The following ULBP1 variants were observed in gnomAD, a reference collection of about 807,000 sequenced individuals.
ULBP1 encodes UL16-binding protein 1.
Under a neutral mutation model 25.3 loss-of-function variants are expected in ULBP1, and 28 were observed. The ratio of observed to expected loss-of-function variants is 1.10; its 90% CI spans 0.82 to 1.51. The LOEUF is 1.51. Among genes scored for constraint, ULBP1 ranks in the 40% most tolerant of loss-of-function variants. ULBP1 has a pLI of 0.00. For synonymous variants in ULBP1, 129 were observed against 103.0 expected (o/e 1.25, Z -1.53); for missense variants, 348 against 290.9 (o/e 1.20, Z -1.43).
At chr6:149,965,318 C>T (rs1455123915) in intron 1 of ULBP1, among the ~76,000 whole-genome samples, 1 of 151,798 alleles carries the variant, frequency 6.6e-6, no homozygotes, top group Non-Finnish European at 1.5e-5. Context: ...ATCGCTGTCT[C>T]CCCGAACGTG....
In ULBP1 at chr6:149,969,072, T is replaced by G; in HGVS notation, c.350-13T>G. The G allele has an allele frequency of 6.2e-7, 1 of 1,613,222 alleles. No homozygotes were observed. ...TTGTCAAGATCAGAGCTGATCTCTT[T>G]GCAATGGGGCAGAGCCCCTCACCCT... On this transcript the variant is annotated splice_polypyrimidine_tract_variant and intron_variant, in intron 2 of 4. Coordinates refer to ENST00000229708, the MANE Select transcript of ULBP1 (RefSeq NM_025218.4).
chr6:149,969,882 C>A, intron 3 of ULBP1, 134 bp from the exon 4 acceptor site: 1 of 1,216,778 alleles, frequency 8.2e-7, no homozygotes, highest in South Asian at 1.5e-5. Flanking sequence ...AAGACTTGTC[C>A]CAGAGGTTGC....
At chr6:149,969,795 G>A (rs551549826) in intron 3 of ULBP1, among the ~76,000 whole-genome samples, 1 of 152,270 alleles carries the variant, frequency 6.6e-6, no homozygotes. Context: ...AGGGTGGACT[G>A]TGCTGTCACC....
chr6:149,972,983 C>T lies in ULBP1; in HGVS notation c.*1637C>T, dbSNP rs1002485036. ...CCGCAATCCCACTACTCGGGATATA[C>T]CCACAGGAAAAGAATTCATTTTATC... On this transcript the variant is annotated 3_prime_UTR_variant, in exon 5 of 5. Coordinates refer to ENST00000229708, the MANE Select transcript of ULBP1 (RefSeq NM_025218.4). 6.6e-6 allele frequency: 1 copy of T among 152,122 alleles called. No individual in the cohort carries two copies. The highest frequency in any genetic ancestry group is 1.5e-5 in the Non-Finnish European group (1 of 68,032). 9.4% of individuals were successfully genotyped at this position (152,122 alleles called of 1,614,324 possible).
intron 1 of ULBP1, among the ~76,000 whole-genome samples, chr6:149,966,900 A>G (rs948701922): frequency 9.9e-5 from 15 of 152,196 alleles, no homozygotes; most frequent in African/African-American, 3.6e-4. Flanking sequence ...AAATCCACAT[A>G]GCACCTTTTC....
Position 149,970,040 on chromosome 6 carries a change from C to T in ULBP1, c.650C>T (p.Thr217Ile). 2 of 1,613,266 alleles carry T rather than the reference C, an allele frequency of 1.2e-6. No individual in the cohort carries two copies. The highest frequency in any genetic ancestry group is 2.2e-5 in the South Asian group (2 of 90,756). Residue 217 changes from threonine (T) to isoleucine (I), a missense_variant, in exon 4 of 5, where the codon ACA becomes ATA. Thr to Ile is a moderately conservative substitution (Grantham distance 89). Transcript: ENST00000229708. ...PTKPPSLAPG[T>I]TQPKAMATTL... Reference sequence around the variant, plus strand: ...GAACCACCCTCTCTGGCCCCAGGCACAACCCAACCCAAGGCCATGGCCACC... The same window carrying T: ...GAACCACCCTCTCTGGCCCCAGGCATAACCCAACCCAAGGCCATGGCCACC...
Position 149,972,380 on chromosome 6 carries a change from A to G in ULBP1, c.*1034A>G, listed in dbSNP as rs1042004977. The G allele has an allele frequency of 1.3e-5, 2 of 152,210 alleles. No homozygotes were observed. Among genetic ancestry groups the G allele is most frequent in the East Asian group, 1.9e-4 (1 of 5,202 alleles). The allele number at this position is 152,210 out of a possible 1,614,324, so 9.4% of individuals were successfully genotyped here. On this transcript the variant is annotated 3_prime_UTR_variant, in exon 5 of 5. Transcript: ENST00000229708. ...TTCAATATGGATGAAAGATTTAAAT[A>G]TAAGTACTAAAACTGTAAAAATCCT... is the stretch of plus-strand genomic sequence containing the variant.
At chr6:149,969,919 T>C in intron 3 of ULBP1, 97 bp from the exon 4 acceptor site, 1 of 1,476,928 alleles carries the variant, frequency 6.8e-7, no homozygotes, top group South Asian at 1.3e-5. Flanking sequence ...ACAAAAGGTC[T>C]GCCTTCCAGG....
intron 2 of ULBP1, 69 bp from the exon 3 acceptor site, chr6:149,969,016 C>T: frequency 1.3e-6 from 2 of 1,576,266 alleles, no homozygotes; most frequent in Non-Finnish European, 1.7e-6. Flanking sequence ...AGTCCAGGAG[C>T]CAGGAAAGGA....
Position 149,970,089 on chromosome 6 carries a change from C to T in ULBP1, c.699C>T (p.Leu233=). The T allele has an allele frequency of 1.9e-6, 3 of 1,612,856 alleles. No homozygotes were observed. Among genetic ancestry groups the T allele is most frequent in the Non-Finnish European group, 2.5e-6 (3 of 1,179,518 alleles). Residue 233 remains leucine, a synonymous_variant, in exon 4 of 5, where the codon CTC becomes CTT. Coordinates refer to ENST00000229708, the MANE Select transcript of ULBP1 (RefSeq NM_025218.4). ...MATTLSPWSL[L]IIFLCFILAG... The stretch of plus-strand genomic sequence containing the variant: ...CCACCCTCAGTCCCTGGAGCCTTCT[C>T]ATCATCTTCCTCTGCTTCATTCTAG...
rs1779258356 is a variant in ULBP1, at chr6:149,969,075, A to C, written c.350-10A>C. The C allele has an allele frequency of 6.2e-7, 1 of 1,613,444 alleles. No homozygotes were observed. Among genetic ancestry groups the C allele is most frequent in the Non-Finnish European group, 8.5e-7 (1 of 1,179,566 alleles). ...TCAAGATCAGAGCTGATCTCTTTGCAATGGGGCAGAGCCCCTCACCCTGCA... is the reference window on the plus strand; with the variant it reads ...TCAAGATCAGAGCTGATCTCTTTGCCATGGGGCAGAGCCCCTCACCCTGCA... On this transcript the variant is annotated splice_polypyrimidine_tract_variant and intron_variant, in intron 2 of 4. Coordinates refer to ENST00000229708, the MANE Select transcript of ULBP1 (RefSeq NM_025218.4).
At chr6:149,965,510 C>G (rs529256511) in intron 1 of ULBP1, among the ~76,000 whole-genome samples, 3 of 152,290 alleles carry the variant, frequency 2.0e-5, no homozygotes, top group African/African-American at 7.2e-5. Flanking sequence ...GGTGCAGACC[C>G]GCAGCCCCAC....
chr6:149,967,768 C>T (rs1213651284), intron 1 of ULBP1, among the ~76,000 whole-genome samples: 1 of 152,094 alleles, frequency 6.6e-6, no homozygotes, highest in Non-Finnish European at 1.5e-5. Context: ...CAGGATTTTC[C>T]ATCCCCATTA....
chr6:149,969,263 G>A lies in ULBP1; in HGVS notation c.528G>A (p.Arg176=). ...TGACAGAGAAGTGGGAGAAGAACAG[G>A]GATGTGACCATGTTCTTCCAGAAGA... ...KKMTEKWEKN[R]DVTMFFQKIS... The change falls in exon 3 of 5, where the codon AGG becomes AGA. Residue 176 remains arginine (R), a synonymous_variant. Transcript: ENST00000229708. 6.2e-7 allele frequency: 1 copy of A among 1,614,240 alleles called. No homozygotes were observed.
chr6:149,966,660 T>C (rs1779209907), intron 1 of ULBP1, among the ~76,000 whole-genome samples: 1 of 152,226 alleles, frequency 6.6e-6, no homozygotes, highest in East Asian at 1.9e-4. Flanking sequence ...CTTCTCACTG[T>C]GGGGCCTATA....
chr6:149,964,728 G>A (rs1047419407), intron 1 of ULBP1, among the ~76,000 whole-genome samples: 1 of 145,870 alleles, frequency 6.9e-6, no homozygotes, highest in African/African-American at 2.6e-5. Flanking sequence ...TTGCCCCGCA[G>A]GCCAGGAGGC....
At chr6:149,964,813 T>TC (rs1352906269) in intron 1 of ULBP1, among the ~76,000 whole-genome samples, 1 of 91,958 alleles carries the variant, frequency 1.1e-5, no homozygotes, top group Non-Finnish European at 2.1e-5. Context: ...AACATCGTGA[T>TC]CCCCCCCGAA....
chr6:149,963,964 C>T lies in ULBP1; in HGVS notation c.-86C>T. 2 of 1,398,170 alleles carry T rather than the reference C, an allele frequency of 1.4e-6. No homozygotes were observed. Among genetic ancestry groups the T allele is most frequent in the East Asian group, 2.3e-5 (1 of 42,568 alleles). The allele number at this position is 1,398,170 out of a possible 1,614,324, so 86.6% of individuals were successfully genotyped here. A position where few individuals can be genotyped will look rare whatever the true frequency, so the allele number is the denominator to read the frequency against. On this transcript the variant is annotated 5_prime_UTR_variant, in exon 1 of 5. Transcript: ENST00000229708. ...CAGTGTATCCCTGCGCGCGGCGGGC[C>T]GGGCTGGGCAGCTTTATAAACAGCC... is the stretch of plus-strand genomic sequence containing the variant.
Position 149,968,772 on chromosome 6 carries a change from C to G in ULBP1, c.251C>G (p.Thr84Arg). ...TCTCTGGGGAAGAAAGTCAATGTCA[C>G]AAAAACCTGGGAAGAACAAACTGAA... Reference protein sequence around the residue: ...FASLGKKVNVTKTWEEQTETL... With the variant: ...FASLGKKVNVRKTWEEQTETL... The change falls in exon 2 of 5, where the codon ACA becomes AGA. Residue 84 changes from threonine (T) to arginine (R), a missense_variant. Thr to Arg is a moderately conservative substitution (Grantham distance 71). Coordinates refer to ENST00000229708, the MANE Select transcript of ULBP1 (RefSeq NM_025218.4). 1 of 1,614,214 alleles carries G rather than the reference C, an allele frequency of 6.2e-7. No individual in the cohort carries two copies. Among genetic ancestry groups the G allele is most frequent in the Non-Finnish European group, 8.5e-7 (1 of 1,180,018 alleles).
Sources: allele counts gnomAD v4.1 joint callset (sites outside exome capture counted in the v4.1 genomes callset), GRCh38; gene constraint gnomAD v4.1.1; transcripts MANE v1.5; gene names NCBI Gene and HGNC (gene_info 2026-07-23, HGNC 2026-07-21).